Variants in SMARCA2 observed in about 807,000 individuals in gnomAD.
The protein encoded by SMARCA2 is SWI/SNF-related matrix-associated actin-dependent regulator of chromatin subfamily A member 2.
Under a neutral mutation model 199.8 loss-of-function variants are expected in SMARCA2, and 61 were observed. The ratio of observed to expected loss-of-function variants is 0.31; its 90% confidence interval spans 0.25 to 0.38. SMARCA2 has a LOEUF of 0.38. Ranked by LOEUF, SMARCA2 falls within the 10% of genes least tolerant of loss-of-function variation. SMARCA2 has a pLI of 1.00. For synonymous variants in SMARCA2, 935 were observed against 732.0 expected, an observed-to-expected ratio of 1.28 and a Z score of -4.48; for missense variants, 1,344 against 2,012.2, an observed-to-expected ratio of 0.67 and a Z score of 6.35.
intron 4 of SMARCA2, chr9:2,041,202 C>T (rs1819589689): frequency 2.5e-6 from 1 of 396,778 alleles, no homozygotes; most frequent in East Asian, 3.6e-5. Context: ...AAGAGTAGGC[C>T]TACCTAAGAG....
At chr9:2,053,119 C>T (rs1020438387) in intron 5 of SMARCA2, among the ~76,000 whole-genome samples, 4 of 152,106 alleles carry the variant, frequency 2.6e-5, no homozygotes, top group East Asian at 1.9e-4. Flanking sequence ...TCCCTTCCTG[C>T]GCTCCCTCCC....
In SMARCA2 at chr9:2,184,861, T is replaced by G. The variant is rs538684559; in HGVS notation, c.4462-1235T>G. Among the ~76,000 whole-genome samples the G allele has an allele frequency of 1.2e-3, 186 of 151,544 alleles. 1 individual carries two copies. The highest frequency in any genetic ancestry group is 4.0e-3 in the South Asian group (19 of 4,758). Reference sequence around the variant, plus strand: ...CTGATGGTCCCATCCTCTCTCTCTCTCGCGCGGGTCCTTTGTTCTGTCATA... The same window carrying G: ...CTGATGGTCCCATCCTCTCTCTCTCGCGCGCGGGTCCTTTGTTCTGTCATA... On this transcript the variant is annotated intron_variant, in intron 31 of 33. Coordinates refer to ENST00000349721, the MANE Select transcript of SMARCA2 (RefSeq NM_003070.5).
chr9:2,181,337 A>C (rs1293989459), intron 29 of SMARCA2: 2 of 391,368 alleles, frequency 5.1e-6, no homozygotes, highest in East Asian at 1.2e-4. Context: ...TGTATTTCCC[A>C]TATTGTATGT....
At chr9:2,134,120 A>T (rs1824087882) in intron 27 of SMARCA2, among the ~76,000 whole-genome samples, 1 of 152,230 alleles carries the variant, frequency 6.6e-6, no homozygotes, top group African/African-American at 2.4e-5. Context: ...AAGAAGACCT[A>T]ATGGATAATA....
Position 2,096,823 on chromosome 9 carries a change from A to G in SMARCA2, c.2991+59A>G, listed in dbSNP as rs1017177816. ...TGTGGTATGTCTTCTCATGGCTGTG[A>G]CATTGAATATTCACAGGAAGCATCC... is the stretch of plus-strand genomic sequence containing the variant. On this transcript the variant is annotated intron_variant, in intron 20 of 33. Transcript: ENST00000349721. 7 of 997,460 alleles carry G rather than the reference A, an allele frequency of 7.0e-6. No individual in the cohort carries two copies. The African/African-American group carries it at 9.5e-5, about 14-fold the overall frequency. The allele number at this position is 997,460 out of a possible 1,614,324, so 61.8% of individuals were successfully genotyped here. A position where few individuals can be genotyped will look rare whatever the true frequency, so the allele number is the denominator to read the frequency against.
rs73377070 is a variant in SMARCA2 at position 2,039,411 on chromosome 9, T to C, written c.356-55T>C. On this transcript the variant is annotated intron_variant, in intron 3 of 33. Coordinates refer to ENST00000349721, the MANE Select transcript of SMARCA2 (RefSeq NM_003070.5). This position sits in a 1 kb window ranked among gnomAD's most constrained non-coding sequence, Gnocchi z 4.8. ...AATTATTAGAGTATTCAGGGATATC[T>C]CTCTTTCAGGGTTGTCAGGGGCAGC... is the stretch of plus-strand genomic sequence containing the variant. The C allele has an allele frequency of 9.4e-3, 14,620 of 1,549,344 alleles. 113 individuals are homozygous for C. Among genetic ancestry groups the C allele is most frequent in the African/African-American group, 0.02 (1,473 of 72,954 alleles).
In SMARCA2 at chr9:2,170,323, G is replaced by T. The variant is rs1826179206; in HGVS notation, c.4200-96G>T. 5 of 1,521,436 alleles carry T rather than the reference G, an allele frequency of 3.3e-6. No individual in the cohort carries two copies. Among genetic ancestry groups the T allele is most frequent in the South Asian group, 1.2e-5 (1 of 83,246 alleles). The allele number at this position is 1,521,436 out of a possible 1,614,324, so 94.2% of individuals were successfully genotyped here. On this transcript the variant is annotated intron_variant, in intron 28 of 33. Coordinates refer to ENST00000349721, the MANE Select transcript of SMARCA2 (RefSeq NM_003070.5). The surrounding 1 kb of genome is among the most constrained non-coding windows in gnomAD (Gnocchi z 4.7). Reference sequence around the variant, plus strand: ...AACAAGGCAGGTTGGTGAGGAGACTGAGGCTTGGCCAGGTCACCCAGCCTA... The same window carrying T: ...AACAAGGCAGGTTGGTGAGGAGACTTAGGCTTGGCCAGGTCACCCAGCCTA...
intron 25 of SMARCA2, among the ~76,000 whole-genome samples, chr9:2,117,031 C>A (rs1438206507): frequency 6.6e-6 from 1 of 152,178 alleles, no homozygotes; most frequent in African/African-American, 2.4e-5. Context: ...CCTCAACTTA[C>A]AATGGTGTTA....
At chr9:2,173,028 T>C (rs1280162930) in intron 29 of SMARCA2, among the ~76,000 whole-genome samples, 1 of 151,660 alleles carries the variant, frequency 6.6e-6, no homozygotes, top group East Asian at 1.9e-4. Flanking sequence ...TATTCAGAGG[T>C]AGGATTGACA....
At chr9:2,189,207 C>T (rs1056864136) in intron 32 of SMARCA2, among the ~76,000 whole-genome samples, 1 of 152,198 alleles carries the variant, frequency 6.6e-6, no homozygotes, top group Admixed American at 6.5e-5. Flanking sequence ...CTGTCCACCA[C>T]ACTTGGTAGC....
rs1821612996 is a variant in SMARCA2 at position 2,082,543 on chromosome 9, T to C, written c.2348+548T>C. Among the ~76,000 whole-genome samples, 5 of 152,328 alleles carry C rather than the reference T, an allele frequency of 3.3e-5. No individual in the cohort carries two copies. The South Asian group carries it at 1.0e-3, about 32-fold the overall frequency. On this transcript the variant is annotated intron_variant, in intron 15 of 33. Transcript: ENST00000349721. ...CAGGAGTTTGCTGTTCGCCATTACG[T>C]TCCCAGTGCCTCACCTGCTAGGTGG...
intron 9 of SMARCA2, among the ~76,000 whole-genome samples, chr9:2,064,701 C>T (rs1027192031): frequency 1.3e-5 from 2 of 152,142 alleles, no homozygotes; most frequent in Non-Finnish European, 2.9e-5. Flanking sequence ...GAGGCTTTAT[C>T]ACAGGTGATA....
intron 27 of SMARCA2, among the ~76,000 whole-genome samples, chr9:2,149,111 A>AT (rs1824912862): frequency 6.6e-6 from 1 of 151,112 alleles, no homozygotes; most frequent in African/African-American, 2.4e-5. Flanking sequence ...GAAGAAAAGG[A>AT]GGTTTAATTG....
intron 3 of SMARCA2, among the ~76,000 whole-genome samples, chr9:2,037,059 TG>T (rs1819367506): frequency 6.6e-6 from 1 of 152,118 alleles, no homozygotes; most frequent in African/African-American, 2.4e-5. Flanking sequence ...ACTGTGAAAA[TG>T]TTAGTAGCTT....
chr9:2,158,645 G>C (rs757360353), intron 27 of SMARCA2: 16 of 297,654 alleles, frequency 5.4e-5, no homozygotes, highest in Admixed American at 2.5e-4. Flanking sequence ...TGTGTAGCAA[G>C]TTTTGGGGTT....
chr9:2,178,993 G>C (rs1168256907), intron 29 of SMARCA2, among the ~76,000 whole-genome samples: 1 of 152,222 alleles, frequency 6.6e-6, no homozygotes, highest in African/African-American at 2.4e-5. Flanking sequence ...CTGAGAGTAA[G>C]TGTAGTTGAT....
intron 25 of SMARCA2, among the ~76,000 whole-genome samples, chr9:2,118,872 C>G (rs958936775): frequency 6.6e-6 from 1 of 151,908 alleles, no homozygotes; most frequent in Non-Finnish European, 1.5e-5. Flanking sequence ...TTAGTTATCC[C>G]ATCCATAGCT....
At chr9:2,191,526 G>A in intron 33 of SMARCA2, 118 bp downstream of exon 33, 3 of 1,053,332 alleles carry the variant, frequency 2.8e-6, no homozygotes, top group Non-Finnish European at 4.2e-6. Context: ...GAAATGTCAG[G>A]ATTTAGTGAG....
chr9:2,087,230 G>C, intron 18 of SMARCA2, 159 bp downstream of exon 18: 2 of 836,176 alleles, frequency 2.4e-6, no homozygotes, highest in South Asian at 1.7e-5. Context: ...CTTGTGGTGG[G>C]GTTATTTTCC....
Sources: gnomAD v4.1 joint callset for allele counts (sites outside exome capture counted in the v4.1 genomes callset) on GRCh38, gnomAD v4.1.1 for gene constraint, Gnocchi (gnomAD v3.1) non-coding constraint, MANE v1.5 for transcripts, NCBI Gene and HGNC (gene_info 2026-07-23, HGNC 2026-07-21) for gene names.